Variants in TRABD2B observed in about 807,000 individuals in gnomAD.
TRABD2B encodes the protein TraB domain containing 2B.
A neutral mutation model predicts 40.1 loss-of-function variants in TRABD2B; 14 were observed. The observed-to-expected ratio is 0.35, with a 90% confidence interval of 0.23 to 0.55. The LOEUF is 0.55. Among genes scored for constraint, TRABD2B ranks in the 20% least tolerant of loss-of-function variants. The pLI is 0.90. For missense variants in TRABD2B, 541 were observed against 648.6 expected (o/e 0.83, Z 1.80); for synonymous variants, 263 against 277.0 (o/e 0.95, Z 0.50).
At chr1:47,829,312 A>T (rs971923837) in intron 2 of TRABD2B, among the ~76,000 whole-genome samples, 1 of 151,800 alleles carries the variant, frequency 6.6e-6, no homozygotes, top group African/African-American at 2.4e-5. Flanking sequence ...ACTTACCCCC[A>T]CTCCCCTGGG....
chr1:47,916,711 T>A (rs945936395), intron 2 of TRABD2B, among the ~76,000 whole-genome samples: 1 of 152,188 alleles, frequency 6.6e-6, no homozygotes. Context: ...GGGCCAGCAG[T>A]GGGCAGGGTC....
chr1:47,991,143 C>A (rs761728501), intron 2 of TRABD2B, among the ~76,000 whole-genome samples: 13 of 151,928 alleles, frequency 8.6e-5, no homozygotes, highest in Non-Finnish European at 1.6e-4. Flanking sequence ...GAGAACACAT[C>A]CTTCATACAG....
intron 2 of TRABD2B, among the ~76,000 whole-genome samples, chr1:47,968,849 G>A (rs542373139): frequency 6.6e-6 from 1 of 152,324 alleles, no homozygotes; most frequent in African/African-American, 2.4e-5. Flanking sequence ...TGAGGACCCT[G>A]AACATTGTTT....
chr1:47,872,540 C>T (rs1644159207), intron 2 of TRABD2B, among the ~76,000 whole-genome samples: 1 of 152,110 alleles, frequency 6.6e-6, no homozygotes, highest in Admixed American at 6.6e-5. Flanking sequence ...GGCTTCAACT[C>T]CCCATGTGCA....
rs539021197 is a variant in TRABD2B, at chr1:47,987,002, G to A, written c.666+7032C>T. Among the ~76,000 whole-genome samples, 18 of 152,284 alleles carry A rather than the reference G, an allele frequency of 1.2e-4. No homozygotes were observed. The South Asian group carries it at 3.3e-3, about 28-fold the overall frequency. ...AAGGGGAAAAGAGCGTCAGCAGCCC[G>A]GCTGGCAGGCTGTGGCGCTCACGCC... On this transcript the variant is annotated intron_variant, in intron 2 of 6. Transcript: ENST00000606738.
chr1:47,874,269 T>TC (rs1644187754), intron 2 of TRABD2B, among the ~76,000 whole-genome samples: 1 of 139,342 alleles, frequency 7.2e-6, no homozygotes, highest in African/African-American at 2.7e-5. Context: ...TTTTTTTTTT[T>TC]TTTTTTTGAG....
intron 2 of TRABD2B, among the ~76,000 whole-genome samples, chr1:47,839,822 T>C (rs911004941): frequency 6.6e-6 from 1 of 152,180 alleles, no homozygotes; most frequent in Admixed American, 6.5e-5. Context: ...TGTGACTCTC[T>C]CCATAGCAGT....
chr1:47,807,580 A>G (rs902246086), intron 2 of TRABD2B, among the ~76,000 whole-genome samples: 6 of 152,168 alleles, frequency 3.9e-5, no homozygotes. Flanking sequence ...AGAGATGAGA[A>G]CTGTAATTGT....
Position 47,845,944 on chromosome 1 carries a change from G to A in TRABD2B, c.667-44325C>T, listed in dbSNP as rs116578023. ...CTTGCTGAATGAACTGACACACACAGTACGTTTCCTCTTTCCAGGGCTGAC... is the reference window on the plus strand; with the variant it reads ...CTTGCTGAATGAACTGACACACACAATACGTTTCCTCTTTCCAGGGCTGAC... On this transcript the variant is annotated intron_variant, in intron 2 of 6. Coordinates refer to ENST00000606738, the MANE Select transcript of TRABD2B (RefSeq NM_001194986.2). Among the ~76,000 whole-genome samples, 673 of 152,302 alleles carry A rather than the reference G, an allele frequency of 4.4e-3. 6 individuals carry two copies. The highest frequency in any genetic ancestry group is 0.016 in the African/African-American group (660 of 41,568).
chr1:47,887,188 A>C (rs1159108953), intron 2 of TRABD2B, among the ~76,000 whole-genome samples: 1 of 152,190 alleles, frequency 6.6e-6, no homozygotes, highest in Non-Finnish European at 1.5e-5. Flanking sequence ...TCCGCTCAAC[A>C]ATCAGGGACA....
chr1:47,915,964 G>A (rs1644825102), intron 2 of TRABD2B, among the ~76,000 whole-genome samples: 2 of 152,230 alleles, frequency 1.3e-5, no homozygotes, highest in Admixed American at 1.3e-4. Context: ...CTCTCTGGCA[G>A]TGACTGTGTT....
intron 2 of TRABD2B, among the ~76,000 whole-genome samples, chr1:47,875,413 G>A (rs1033844165): frequency 4.0e-5 from 6 of 151,726 alleles, no homozygotes; most frequent in Non-Finnish European, 8.8e-5. Flanking sequence ...TGGGCTGGGC[G>A]TGGTGGCTCA....
chr1:47,844,250 G>C (rs534475044), intron 2 of TRABD2B, among the ~76,000 whole-genome samples: 81 of 152,304 alleles, frequency 5.3e-4, no homozygotes, highest in Non-Finnish European at 3.1e-4. Context: ...CCTTTGAATA[G>C]GCCTTTTTCT....
At chr1:47,834,983 C>T (rs1032849239) in intron 2 of TRABD2B, among the ~76,000 whole-genome samples, 3 of 152,114 alleles carry the variant, frequency 2.0e-5, no homozygotes, top group African/African-American at 7.2e-5. Flanking sequence ...GACTTTAAAT[C>T]AGCTATTTTA....
intron 2 of TRABD2B, among the ~76,000 whole-genome samples, chr1:47,974,114 C>T (rs1645721347): frequency 6.6e-6 from 1 of 152,036 alleles, no homozygotes. Flanking sequence ...GTCTGCATCT[C>T]CTCCAAAAAG....
rs988918789 is a variant in TRABD2B, at chr1:47,994,721, T to G, written c.103-124A>C. 1.2e-5 allele frequency: 10 copies of G among 851,470 alleles called. No homozygotes were observed. In the Admixed American group the frequency reaches 2.5e-4, roughly 22 times the overall value. 52.7% of individuals were successfully genotyped at this position (851,470 alleles called of 1,614,324 possible). On this transcript the variant is annotated intron_variant, in intron 1 of 6. Transcript: ENST00000606738. This position sits in a 1 kb window ranked among gnomAD's most constrained non-coding sequence, Gnocchi z 6.7. The stretch of plus-strand genomic sequence containing the variant: ...GGCAGAGACCATACACAGGCCGTGG[T>G]AAAGAGCCAGGTCTTTGGAGCCTGA...
At chr1:47,789,725 C>T (rs1441735662) in intron 4 of TRABD2B, among the ~76,000 whole-genome samples, 1 of 152,080 alleles carries the variant, frequency 6.6e-6, no homozygotes, top group Non-Finnish European at 1.5e-5. Context: ...GCCTGCCAGC[C>T]TCCTCCCTCC....
chr1:47,840,687 G>A (rs1013795446), intron 2 of TRABD2B, among the ~76,000 whole-genome samples: 1 of 152,196 alleles, frequency 6.6e-6, no homozygotes, highest in African/African-American at 2.4e-5. Flanking sequence ...CCCAGGTCCT[G>A]ACCACAGTTG....
chr1:47,987,140 G>A (rs187594229), intron 2 of TRABD2B, among the ~76,000 whole-genome samples: 13 of 152,234 alleles, frequency 8.5e-5, no homozygotes, highest in South Asian at 2.1e-4. Flanking sequence ...TTTTATCTCC[G>A]TCAGAAAGTG....
Sources: gnomAD v4.1 joint callset for allele counts (sites outside exome capture counted in the v4.1 genomes callset) on GRCh38, gnomAD v4.1.1 for gene constraint, Gnocchi (gnomAD v3.1) non-coding constraint, MANE v1.5 for transcripts, NCBI Gene and HGNC (gene_info 2026-07-23, HGNC 2026-07-21) for gene names.